Variants in EIF3K observed in about 807,000 individuals in gnomAD.
The protein encoded by EIF3K is eukaryotic translation initiation factor 3 subunit K.
EIF3K carries 27 observed loss-of-function variants against 34.2 expected under a neutral mutation model. That is an observed-to-expected ratio of 0.79 (90% CI 0.58 to 1.09). The LOEUF (loss-of-function observed/expected upper bound fraction) is 1.09, where lower values mean the gene tolerates loss of function less well. Among genes scored for constraint, EIF3K ranks in the 50% least tolerant of loss-of-function variants. EIF3K has a pLI of 0.00. For synonymous variants in EIF3K, 105 were observed against 105.7 expected, an observed-to-expected ratio of 0.99 and a Z score of 0.04; for missense variants, 232 against 275.4, an observed-to-expected ratio of 0.84 and a Z score of 1.11.
chr19:38,632,984 C>T (rs1332762546), intron 6 of EIF3K: 11 of 339,652 alleles, frequency 3.2e-5, no homozygotes, highest in Non-Finnish European at 4.9e-5. Flanking sequence ...AAGCACATGG[C>T]GACATGGAGG....
intron 4 of EIF3K, among the ~76,000 whole-genome samples, chr19:38,629,058 T>G (rs1019134464): frequency 1.3e-5 from 2 of 149,700 alleles, no homozygotes; most frequent in East Asian, 3.9e-4. Context: ...GACTGCACAC[T>G]TTTTTTTTTA....
chr19:38,626,513 T>A (rs934341330), intron 4 of EIF3K, among the ~76,000 whole-genome samples: 2 of 152,146 alleles, frequency 1.3e-5, no homozygotes, highest in African/African-American at 4.8e-5. Context: ...TAATTGGGTG[T>A]GGTGGCATGT....
intron 4 of EIF3K, among the ~76,000 whole-genome samples, chr19:38,627,064 G>A (rs1975965141): frequency 6.6e-6 from 1 of 152,070 alleles, no homozygotes. Context: ...TTGGCTTACT[G>A]CAACTGCCGC....
intron 2 of EIF3K, among the ~76,000 whole-genome samples, chr19:38,621,199 A>T (rs969310136): frequency 5.6e-5 from 7 of 125,490 alleles, no homozygotes; most frequent in Non-Finnish European, 1.7e-5. Flanking sequence ...CCTCTTTTTA[A>T]AAAAAAAAAA....
intron 4 of EIF3K, among the ~76,000 whole-genome samples, chr19:38,627,160 A>G (rs1975967245): frequency 6.6e-6 from 1 of 151,856 alleles, no homozygotes; most frequent in Admixed American, 6.6e-5. Flanking sequence ...TAATTTTTGT[A>G]TTTTTAGTAG....
chr19:38,621,903 C>CTTTT (rs914363057), intron 2 of EIF3K, among the ~76,000 whole-genome samples: 76 of 111,472 alleles, frequency 6.8e-4, no homozygotes, highest in East Asian at 2.3e-3. Context: ...TCTTCGTGCC[C>CTTTT]TTTTTTTTTT....
chr19:38,635,291 G>A (rs73032665), intron 7 of EIF3K, 173 bp downstream of exon 7: 3 of 904,916 alleles, frequency 3.3e-6, no homozygotes, highest in Non-Finnish European at 5.0e-6. Flanking sequence ...AGGAGGAATA[G>A]CGGGGAGCTG....
In EIF3K at chr19:38,635,102, G is replaced by A. The variant is rs377673715; in HGVS notation, c.609G>A (p.Glu203=). The A allele has an allele frequency of 1.6e-5, 26 of 1,614,124 alleles. No homozygotes were observed. Among genetic ancestry groups the A allele is most frequent in the Non-Finnish European group, 2.2e-5 (26 of 1,180,056 alleles). The change falls in exon 7 of 8, where the codon GAG becomes GAA. Residue 203 remains glutamate, a synonymous_variant. Coordinates refer to ENST00000248342, the MANE Select transcript of EIF3K (RefSeq NM_013234.4). ...GCATTAAACCCAAGAACATTGTGGAGAAGATTGACTTTGACAGTGAGTGGT... is the reference window on the plus strand; with the variant it reads ...GCATTAAACCCAAGAACATTGTGGAAAAGATTGACTTTGACAGTGAGTGGT... The part of the protein sequence containing the change: ...EESIKPKNIV[E]KIDFDSVSSI...
rs557764840 is a variant in EIF3K at position 38,624,334 on chromosome 19, G to A, written c.279+137G>A. ...TCTGGTCCAGCGTGGCAAGGTGCTG[G>A]ACAGTGCTGGGACACTGGTGACTGA... On this transcript the variant is annotated intron_variant, in intron 3 of 7. Coordinates refer to ENST00000248342, the MANE Select transcript of EIF3K (RefSeq NM_013234.4). 3 of 1,373,150 alleles carry A rather than the reference G, an allele frequency of 2.2e-6. No homozygotes were observed. The East Asian group carries it at 7.5e-5, about 34-fold the overall frequency. The allele number at this position is 1,373,150 out of a possible 1,614,324, so 85.1% of individuals were successfully genotyped here.
At chr19:38,634,889 G>C in intron 6 of EIF3K, 104 bp from the exon 7 acceptor site, 5 of 1,529,578 alleles carry the variant, frequency 3.3e-6, no homozygotes, top group Non-Finnish European at 3.5e-6. Flanking sequence ...AGTGGGCAAG[G>C]GGGGCTGCCC....
At chr19:38,635,720 C>T (rs761363327) in intron 7 of EIF3K, 3 of 152,802 alleles carry the variant, frequency 2.0e-5, no homozygotes, top group African/African-American at 7.2e-5. Context: ...AGTGACCACA[C>T]AGTTCATTAA....
chr19:38,623,439 G>T (rs1008766345), intron 2 of EIF3K, among the ~76,000 whole-genome samples: 8 of 152,162 alleles, frequency 5.3e-5, no homozygotes, highest in Non-Finnish European at 1.2e-4. Flanking sequence ...AAAGTGCTGG[G>T]ATTACAGGCG....
chr19:38,625,962 G>C, intron 3 of EIF3K, 66 bp from the exon 4 acceptor site: 5 of 1,434,936 alleles, frequency 3.5e-6, no homozygotes, highest in East Asian at 2.3e-5. Context: ...GGTAGGTGGG[G>C]AGGGGTGATC....
chr19:38,622,891 C>T (rs1410284182), intron 2 of EIF3K, among the ~76,000 whole-genome samples: 2 of 152,238 alleles, frequency 1.3e-5, no homozygotes, highest in Non-Finnish European at 2.9e-5. Flanking sequence ...TTCTGCCCGG[C>T]TCACCGGCAG....
intron 6 of EIF3K, among the ~76,000 whole-genome samples, chr19:38,634,090 CTTTTTT>C (rs757394196): frequency 3.5e-5 from 3 of 86,034 alleles, no homozygotes; most frequent in Non-Finnish European, 6.6e-5. Flanking sequence ...TAAAAGCTAA[CTTTTTT>C]TTTTTTTTTT....
At chr19:38,632,541 G>A (rs754308092) in intron 5 of EIF3K, 45 bp downstream of exon 5, 1 of 1,613,766 alleles carries the variant, frequency 6.2e-7, no homozygotes, top group East Asian at 2.2e-5. Flanking sequence ...GAAGGGGTAG[G>A]GAGTGGCAGC....
intron 4 of EIF3K, chr19:38,628,529 A>C (rs574796582): frequency 6.5e-6 from 1 of 152,790 alleles, no homozygotes; most frequent in Non-Finnish European, 1.5e-5. Context: ...TCCTTCTCTT[A>C]AATCGCATGT....
At chr19:38,627,316 G>A (rs1975970400) in intron 4 of EIF3K, among the ~76,000 whole-genome samples, 1 of 152,002 alleles carries the variant, frequency 6.6e-6, no homozygotes, top group South Asian at 2.1e-4. Flanking sequence ...TGTGTGTGTC[G>A]TCACTTCCTG....
At chr19:38,619,377 G>A (rs1309946256) in intron 1 of EIF3K, 50 bp downstream of exon 1, 2 of 1,605,134 alleles carry the variant, frequency 1.2e-6, no homozygotes, top group East Asian at 4.5e-5. Flanking sequence ...GCGGAGGAGA[G>A]GGTTTTCCGG....
Sources: allele counts gnomAD v4.1 joint callset (sites outside exome capture counted in the v4.1 genomes callset), GRCh38; gene constraint gnomAD v4.1.1; transcripts MANE v1.5; gene names NCBI Gene and HGNC (gene_info 2026-07-23, HGNC 2026-07-21).